The following TMEM71 variants were observed in gnomAD, a reference collection of about 807,000 sequenced individuals.
The protein encoded by TMEM71 is transmembrane protein 71.
A neutral mutation model predicts 38.0 loss-of-function variants in TMEM71; 44 were observed. The observed-to-expected ratio is 1.16, with a 90% CI of 0.91 to 1.49. The LOEUF is 1.49. Ranked by LOEUF, TMEM71 falls within the 40% of genes most tolerant of loss-of-function variation. TMEM71 has a pLI of 0.00. For missense variants in TMEM71, 367 were observed against 348.6 expected (o/e 1.05, Z -0.42); for synonymous variants, 133 against 122.5 (o/e 1.09, Z -0.56).
rs534101629 is a variant in TMEM71 at position 132,741,575 on chromosome 8, G to A, written c.487+5367C>T. Among the ~76,000 whole-genome samples, 8 of 137,278 alleles carry A rather than the reference G, an allele frequency of 5.8e-5. No individual in the cohort carries two copies. The South Asian group carries it at 1.8e-3, about 31-fold the overall frequency. 90.1% of individuals were successfully genotyped at this position (137,278 alleles called of 152,430 possible). ...CGTGGGTCACGTGTCCACTGGACAG[G>A]GGGCCCTTCCTGCCTGGCAGCCGAG... On this transcript the variant is annotated intron_variant, in intron 5 of 9. Transcript: ENST00000677595.
At chr8:132,744,023 A>G (rs1180473618) in intron 5 of TMEM71, among the ~76,000 whole-genome samples, 2 of 151,870 alleles carry the variant, frequency 1.3e-5, no homozygotes, top group African/African-American at 4.8e-5. Context: ...ATATCATATA[A>G]TTTTTTTTCA....
chr8:132,769,671 A>G, the TMEM71 span, among the ~76,000 whole-genome samples: 1 of 152,210 alleles, frequency 6.6e-6, no homozygotes, highest in African/African-American at 2.4e-5. Context: ...TCATGTGAGG[A>G]CACAGTGAGA....
rs527242189 is a variant in TMEM71, at chr8:132,723,848, C to T, written c.677-1733G>A. On this transcript the variant is annotated intron_variant, in intron 6 of 9. Coordinates refer to ENST00000677595, the MANE Select transcript of TMEM71 (RefSeq NM_001382403.1). Reference sequence around the variant, plus strand: ...ATATATCAGGGGAACCCACCCCCAACATTTCAACGTAGGTTCTCCCTATTT... The same window carrying T: ...ATATATCAGGGGAACCCACCCCCAATATTTCAACGTAGGTTCTCCCTATTT... 9.2e-5 allele frequency among the ~76,000 whole-genome samples: 14 copies of T among 152,308 alleles called. No homozygotes were observed. In the South Asian group the frequency reaches 1.9e-3, roughly 20 times the overall value.
chr8:132,748,003 G>A (rs900185781), intron 4 of TMEM71, among the ~76,000 whole-genome samples: 1 of 152,136 alleles, frequency 6.6e-6, no homozygotes, highest in Admixed American at 6.5e-5. Context: ...GGGGTTAATC[G>A]AAGTGCACAG....
chr8:132,738,749 T>G (rs539752512), intron 5 of TMEM71, among the ~76,000 whole-genome samples: 1 of 152,324 alleles, frequency 6.6e-6, no homozygotes, highest in Non-Finnish European at 1.5e-5. Flanking sequence ...CTCTTGTTAT[T>G]GTGGAAAACT....
chr8:132,775,465 A>T, the TMEM71 span: 1 of 381,120 alleles, frequency 2.6e-6, no homozygotes, highest in Non-Finnish European at 4.6e-6. Context: ...GCTCGGACCC[A>T]GCTCCCTCCC....
In TMEM71 at chr8:132,756,411, T is replaced by TATTATATA. The variant is rs1554619985; in HGVS notation, c.101+822_101+823insTATATAAT. ...CCATATATTGACACTAACATATATATTATATATATATATATATATATATAT... is the reference window on the plus strand; with the variant it reads ...CCATATATTGACACTAACATATATATATTATATATATATATATATATATATATATATAT... On this transcript the variant is annotated intron_variant, in intron 3 of 9. Coordinates refer to ENST00000677595, the MANE Select transcript of TMEM71 (RefSeq NM_001382403.1). Among the ~76,000 whole-genome samples, 218 of 115,790 alleles carry TATTATATA rather than the reference T, an allele frequency of 1.9e-3. 2 individuals carry two copies. The highest frequency in any genetic ancestry group is 2.6e-3 in the African/African-American group (64 of 24,512). 76.0% of individuals were successfully genotyped at this position (115,790 alleles called of 152,430 possible).
upstream of TMEM71, among the ~76,000 whole-genome samples, chr8:132,765,110 T>C (rs1225656750): frequency 1.3e-5 from 2 of 152,224 alleles, no homozygotes; most frequent in African/African-American, 4.8e-5. Flanking sequence ...AGTAAGCTTT[T>C]ATTTTCCCAC....
intron 6 of TMEM71, among the ~76,000 whole-genome samples, chr8:132,726,668 C>G (rs1159718740): frequency 6.6e-6 from 1 of 152,202 alleles, no homozygotes; most frequent in Non-Finnish European, 1.5e-5. Flanking sequence ...CACCTTGGTG[C>G]AGCACCATGT....
At chr8:132,757,329 C>G (rs1829082217) in intron 2 of TMEM71, 35 bp from the exon 3 acceptor site, 1 of 1,478,354 alleles carries the variant, frequency 6.8e-7, no homozygotes, top group Admixed American at 1.7e-5. Flanking sequence ...TAGAATGTAT[C>G]ATACCTGATC....
chr8:132,712,181 C>T (rs1826270691), intron 9 of TMEM71, among the ~76,000 whole-genome samples: 1 of 151,812 alleles, frequency 6.6e-6, no homozygotes, highest in Admixed American at 6.6e-5. Flanking sequence ...GTCTTAAATG[C>T]AAATGTGTGT....
rs765821608 is a variant in TMEM71 at position 132,710,861 on chromosome 8, G to A, written c.*106C>T. The stretch of plus-strand genomic sequence containing the variant: ...TAAAATGGCTTTTTCTCCATTACTC[G>A]CTTACTCCCTTCCAATAAAACACTT... On this transcript the variant is annotated 3_prime_UTR_variant, in exon 10 of 10. Transcript: ENST00000677595. 41 of 1,042,182 alleles carry A rather than the reference G, an allele frequency of 3.9e-5. No homozygotes were observed. Among genetic ancestry groups the A allele is most frequent in the Admixed American group, 9.2e-5 (5 of 54,522 alleles). The allele number at this position is 1,042,182 out of a possible 1,614,324, so 64.6% of individuals were successfully genotyped here.
chr8:132,711,105 G>A lies in TMEM71; in HGVS notation c.873-123C>T, dbSNP rs142789976. 133 of 853,096 alleles carry A rather than the reference G, an allele frequency of 1.6e-4. No homozygotes were observed. The African/African-American group carries it at 2.2e-3, about 14-fold the overall frequency. 52.8% of individuals were successfully genotyped at this position (853,096 alleles called of 1,614,324 possible). A position where few individuals can be genotyped will look rare whatever the true frequency, so the allele number is the denominator to read the frequency against. Reference sequence around the variant, plus strand: ...ACACACCCACACCCATACCCACAACGGGCCTGAATTATCACAACTAGGAAG... The same window carrying A: ...ACACACCCACACCCATACCCACAACAGGCCTGAATTATCACAACTAGGAAG... On this transcript the variant is annotated intron_variant, in intron 9 of 9. Transcript: ENST00000677595.
At chr8:132,771,456 A>G in the TMEM71 span, among the ~76,000 whole-genome samples, 123,700 of 152,064 alleles carry the variant, frequency 0.81, 52,132 homozygotes, top group East Asian at 1. Flanking sequence ...ATATCTTAGA[A>G]TCATTATTGC....
chr8:132,736,782 G>A (rs2433068), intron 5 of TMEM71, among the ~76,000 whole-genome samples: 46,931 of 151,420 alleles, frequency 0.31, 7,466 homozygotes, highest in Non-Finnish European at 0.33. Flanking sequence ...AGTAAGCCAA[G>A]ACTGGACCAC....
chr8:132,766,833 C>A, the TMEM71 span, among the ~76,000 whole-genome samples: 1 of 150,940 alleles, frequency 6.6e-6, no homozygotes, highest in Non-Finnish European at 1.5e-5. Context: ...TTCATCTTTC[C>A]AGAGAACACG....
intron 3 of TMEM71, among the ~76,000 whole-genome samples, chr8:132,753,955 G>A (rs1424134810): frequency 6.6e-6 from 1 of 151,782 alleles, no homozygotes; most frequent in African/African-American, 2.4e-5. Context: ...GTCCTCCCTG[G>A]GTCCTCACTT....
chr8:132,761,181 T>C (rs1331170903), upstream of TMEM71, among the ~76,000 whole-genome samples: 2 of 152,202 alleles, frequency 1.3e-5, no homozygotes, highest in African/African-American at 4.8e-5. Context: ...AAAAGAAATG[T>C]ACATTCAAAT....
intron 5 of TMEM71, among the ~76,000 whole-genome samples, chr8:132,733,736 A>T (rs1827588488): frequency 6.6e-6 from 1 of 152,222 alleles, no homozygotes. Flanking sequence ...GGTAGCCAAG[A>T]TGCGGAAGCA....
Sources: gnomAD v4.1 joint callset for allele counts (sites outside exome capture counted in the v4.1 genomes callset) on GRCh38, gnomAD v4.1.1 for gene constraint, MANE v1.5 for transcripts, NCBI Gene and HGNC (gene_info 2026-07-23, HGNC 2026-07-21) for gene names.